STK32B: variants seen among roughly 807,000 people sequenced by gnomAD.
The protein encoded by STK32B is serine/threonine kinase 32B, also known as serine/threonine-protein kinase 32B.
STK32B carries 43 observed loss-of-function variants against 52.6 expected under a neutral mutation model. The observed-to-expected ratio is 0.82, with a 90% CI of 0.64 to 1.05. The LOEUF (loss-of-function observed/expected upper bound fraction) is 1.05. STK32B is among the 50% of genes least tolerant of loss of function. STK32B has a pLI of 0.00. For missense variants in STK32B, 621 were observed against 534.6 expected (o/e 1.16, Z -1.59); for synonymous variants, 238 against 204.3 (o/e 1.17, Z -1.41).
intron 3 of STK32B, among the ~76,000 whole-genome samples, chr4:5,328,563 G>C (rs1732023780): frequency 6.6e-6 from 1 of 152,178 alleles, no homozygotes. Context: ...TATCCATGAA[G>C]CTTTGGGTGC....
chr4:5,031,327 A>G, the STK32B span, among the ~76,000 whole-genome samples: 1 of 152,216 alleles, frequency 6.6e-6, no homozygotes, highest in East Asian at 1.9e-4. Flanking sequence ...GACTCTGGGC[A>G]AGTGCCTCAC....
chr4:5,263,582 C>G (rs949129049), intron 3 of STK32B, among the ~76,000 whole-genome samples: 2 of 152,234 alleles, frequency 1.3e-5, no homozygotes, highest in African/African-American at 4.8e-5. Context: ...ATCACACTGG[C>G]TAAGAGTGAT....
At chr4:5,045,760 T>C in the STK32B span, among the ~76,000 whole-genome samples, 1 of 152,314 alleles carries the variant, frequency 6.6e-6, no homozygotes, top group Admixed American at 6.5e-5. Context: ...TGATTTTGTA[T>C]CCCGAGACTT....
chr4:5,404,695 G>A (rs114957240), intron 5 of STK32B, among the ~76,000 whole-genome samples: 32 of 150,700 alleles, frequency 2.1e-4, no homozygotes, highest in Non-Finnish European at 4.0e-4. Context: ...TACCCTCCTC[G>A]CTCCGGGCCC....
intron 11 of STK32B, among the ~76,000 whole-genome samples, chr4:5,491,718 C>A (rs1430663424): frequency 1.3e-5 from 2 of 152,032 alleles, no homozygotes; most frequent in South Asian, 4.1e-4. Flanking sequence ...TTAGGTCTAA[C>A]ATTTAAGTCT....
At chr4:5,141,808 T>G (rs993271847) in intron 2 of STK32B, among the ~76,000 whole-genome samples, 2 of 152,136 alleles carry the variant, frequency 1.3e-5, no homozygotes, top group Non-Finnish European at 2.9e-5. Flanking sequence ...TGGACACTTT[T>G]CACCCACCCC....
rs953355900 is a variant in STK32B, at chr4:5,399,480, G to A, written c.472+1236G>A. Among the ~76,000 whole-genome samples the A allele has an allele frequency of 6.6e-6, 1 of 152,186 alleles. No homozygotes were observed. Among genetic ancestry groups the A allele is most frequent in the Non-Finnish European group, 1.5e-5 (1 of 68,030 alleles). The stretch of plus-strand genomic sequence containing the variant: ...GCATCAGATGCTGGAACCAGACTAA[G>A]TGCTTTGGGGGCAGTAGGATTGAAC... On this transcript the variant is annotated intron_variant, in intron 5 of 11. Coordinates refer to ENST00000282908, the MANE Select transcript of STK32B (RefSeq NM_018401.3). This position sits in a 1 kb window ranked among gnomAD's most constrained non-coding sequence, Gnocchi z 5.4.
At chr4:5,368,593 A>G (rs10020211) in intron 4 of STK32B, among the ~76,000 whole-genome samples, 1,712 of 152,326 alleles carry the variant, frequency 0.011, 21 homozygotes, top group South Asian at 0.058. Context: ...AATGTGCCCA[A>G]GGTCATAGGG....
intron 3 of STK32B, among the ~76,000 whole-genome samples, chr4:5,183,244 G>C (rs200393302): frequency 6.6e-6 from 1 of 152,080 alleles, no homozygotes; most frequent in African/African-American, 2.4e-5. Flanking sequence ...TTGGGAACCC[G>C]AGGCAGGCAG....
chr4:5,127,989 G>T (rs935517076), intron 1 of STK32B, among the ~76,000 whole-genome samples: 4 of 152,186 alleles, frequency 2.6e-5, no homozygotes, highest in African/African-American at 7.2e-5. Flanking sequence ...CTTCCACCAT[G>T]ATTGTGAGGC....
intron 3 of STK32B, among the ~76,000 whole-genome samples, chr4:5,230,977 A>C (rs1577220021): frequency 1.3e-5 from 2 of 152,352 alleles, no homozygotes; most frequent in South Asian, 4.1e-4. Flanking sequence ...GGATACGGAC[A>C]CTTCTGCAGA....
At chr4:5,277,551 A>G (rs1727907013) in intron 3 of STK32B, among the ~76,000 whole-genome samples, 1 of 152,164 alleles carries the variant, frequency 6.6e-6, no homozygotes, top group Non-Finnish European at 1.5e-5. Flanking sequence ...CATTGTCTCC[A>G]TTTGTAACAT....
chr4:5,498,649 G>C (rs567833808), intron 11 of STK32B, among the ~76,000 whole-genome samples: 1 of 152,226 alleles, frequency 6.6e-6, no homozygotes, highest in South Asian at 2.1e-4. Flanking sequence ...ATAAATATGT[G>C]ATCTCAAGTA....
At chr4:5,151,011 C>G (rs1717320521) in intron 2 of STK32B, among the ~76,000 whole-genome samples, 1 of 152,130 alleles carries the variant, frequency 6.6e-6, no homozygotes. Flanking sequence ...TTAGGACATA[C>G]TACCAAATCT....
chr4:5,289,383 G>T (rs932320716), intron 3 of STK32B, among the ~76,000 whole-genome samples: 4 of 152,130 alleles, frequency 2.6e-5, no homozygotes, highest in Non-Finnish European at 5.9e-5. Flanking sequence ...GGACATTATT[G>T]TACACTTGGA....
intron 1 of STK32B, 143 bp downstream of exon 1, chr4:5,052,058 C>A: frequency 7.7e-7 from 1 of 1,297,314 alleles, no homozygotes; most frequent in Non-Finnish European, 1.1e-6. Flanking sequence ...GCAGTGTGTG[C>A]CCGACCCGTG....
chr4:5,141,784 T>C (rs772836189), intron 2 of STK32B, among the ~76,000 whole-genome samples: 1 of 152,146 alleles, frequency 6.6e-6, no homozygotes, highest in Non-Finnish European at 1.5e-5. Flanking sequence ...GGCTGTCTGA[T>C]GTCATCACAG....
chr4:5,161,417 C>CAA (rs1718436068), intron 2 of STK32B, among the ~76,000 whole-genome samples: 1 of 152,200 alleles, frequency 6.6e-6, no homozygotes, highest in Non-Finnish European at 1.5e-5. Context: ...ATAGGAGGTT[C>CAA]AGCATCTCTG....
chr4:5,482,447 CT>C (rs560983880), intron 11 of STK32B, among the ~76,000 whole-genome samples: 12 of 152,146 alleles, frequency 7.9e-5, no homozygotes, highest in Non-Finnish European at 1.8e-4. Flanking sequence ...TATCCTGAGA[CT>C]TTGCTGAAGT....
Sources: gnomAD v4.1 joint callset for allele counts (sites outside exome capture counted in the v4.1 genomes callset) on GRCh38, gnomAD v4.1.1 for gene constraint, Gnocchi (gnomAD v3.1) non-coding constraint, MANE v1.5 for transcripts, NCBI Gene and HGNC (gene_info 2026-07-23, HGNC 2026-07-21) for gene names.